DEPDC4: variants seen among roughly 807,000 people sequenced by gnomAD.
DEPDC4 encodes DEP domain containing 4.
DEPDC4 carries 52 observed loss-of-function variants against 52.0 expected under a neutral mutation model. The ratio of observed to expected loss-of-function variants is 1.00; its 90% CI spans 0.80 to 1.26. The LOEUF (loss-of-function observed/expected upper bound fraction) is 1.26, where lower values mean the gene tolerates loss of function less well. DEPDC4 is among the 50% of genes most tolerant of loss of function. The pLI, the probability that DEPDC4 is intolerant of heterozygous loss-of-function variation, is 0.00. For synonymous variants in DEPDC4, 201 were observed against 196.8 expected (o/e 1.02, Z -0.18); for missense variants, 530 against 546.9 (o/e 0.97, Z 0.31).
the DEPDC4 span, among the ~76,000 whole-genome samples, chr12:100,275,104 C>T: frequency 1.3e-5 from 2 of 152,104 alleles, no homozygotes; most frequent in Non-Finnish European, 2.9e-5. Flanking sequence ...ATAGATCTTG[C>T]ATAGCTTGTT....
chr12:100,262,446 A>G (rs1348322860), intron 2 of DEPDC4, 37 bp from the exon 3 acceptor site: 2 of 1,484,884 alleles, frequency 1.3e-6, no homozygotes, highest in Admixed American at 2.6e-5. Flanking sequence ...TTCATTATAC[A>G]CAGAACCAAA....
Position 100,263,727 on chromosome 12 carries a change from C to G in DEPDC4, c.324G>C (p.Thr108=), listed in dbSNP as rs377024324. The G allele has an allele frequency of 1.9e-6, 3 of 1,613,934 alleles. No individual in the cohort carries two copies. Among genetic ancestry groups the G allele is most frequent in the Admixed American group, 3.3e-5 (2 of 59,998 alleles). ...AAGAGATGTCATTGCTACTTAGGCA[C>G]GTGTTTTGCATAAGATGACTTAAGA... ...DVVLSHLMQN[T]CLSSNDISCL... is the part of the protein sequence containing the mutation. The change falls in exon 2 of 10, where the codon ACG becomes ACC. Residue 108 remains threonine (T), a synonymous_variant. Transcript: ENST00000550587.
Position 100,241,621 on chromosome 12 carries a change from C to T in DEPDC4, c.*271G>A. The stretch of plus-strand genomic sequence containing the variant: ...TAAGTATGGCAATTTGAGAAAACCA[C>T]CAGAGAATTGTTTATATTTACAAAT... On this transcript the variant is annotated 3_prime_UTR_variant, in exon 10 of 10. Coordinates refer to ENST00000550587, the MANE Select transcript of DEPDC4 (RefSeq NM_001364818.2). 1 of 1,048,734 alleles carries T rather than the reference C, an allele frequency of 9.5e-7. No individual in the cohort carries two copies. Among genetic ancestry groups the T allele is most frequent in the Non-Finnish European group, 1.2e-6 (1 of 840,480 alleles). 65.0% of individuals were successfully genotyped at this position (1,048,734 alleles called of 1,614,324 possible).
chr12:100,258,203 T>TA (rs1413820900), intron 3 of DEPDC4, among the ~76,000 whole-genome samples: 2 of 151,186 alleles, frequency 1.3e-5, no homozygotes, highest in Non-Finnish European at 3.0e-5. Context: ...GAGGAAAAAG[T>TA]AAAAAAAGAA....
the DEPDC4 span, among the ~76,000 whole-genome samples, chr12:100,281,740 A>G: frequency 1.3e-5 from 2 of 151,598 alleles, no homozygotes; most frequent in Admixed American, 1.3e-4. Context: ...AGGCTGAGGC[A>G]GGAGAATGGC....
chr12:100,267,174 T>G (rs182195992), upstream of DEPDC4: 99 of 1,341,818 alleles, frequency 7.4e-5, no homozygotes, highest in African/African-American at 1.3e-3. Context: ...CGGCAGGTCT[T>G]TTAGTCTTTT....
downstream of DEPDC4, among the ~76,000 whole-genome samples, chr12:100,238,467 T>A (rs1421556960): frequency 2.6e-5 from 4 of 151,752 alleles, no homozygotes; most frequent in Non-Finnish European, 4.4e-5. Context: ...GCCTTTCTTT[T>A]TTTTTAAGTA....
intron 4 of DEPDC4, among the ~76,000 whole-genome samples, chr12:100,255,497 G>T (rs1238090617): frequency 2.0e-5 from 3 of 152,128 alleles, no homozygotes; most frequent in Non-Finnish European, 2.9e-5. Flanking sequence ...CTCCCTGCTG[G>T]AATCCCAACA....
intron 7 of DEPDC4, among the ~76,000 whole-genome samples, chr12:100,250,323 C>G (rs1003987206): frequency 3.3e-5 from 5 of 152,206 alleles, no homozygotes; most frequent in African/African-American, 9.7e-5. Context: ...TCAAGTGATT[C>G]TCCTGCCTCT....
At chr12:100,259,379 T>C (rs186526549) in intron 3 of DEPDC4, among the ~76,000 whole-genome samples, 108 of 152,280 alleles carry the variant, frequency 7.1e-4, no homozygotes, top group Middle Eastern at 3.4e-3. Context: ...AGCAGGTGAT[T>C]TGGATAAGTG....
chr12:100,257,046 T>G (rs896182011), intron 3 of DEPDC4, among the ~76,000 whole-genome samples: 1 of 152,194 alleles, frequency 6.6e-6, no homozygotes, highest in African/African-American at 2.4e-5. Flanking sequence ...CTAACCATCA[T>G]CATAATACTT....
chr12:100,270,238 C>T (rs1358297390), upstream of DEPDC4, among the ~76,000 whole-genome samples: 2 of 152,114 alleles, frequency 1.3e-5, no homozygotes, highest in East Asian at 1.9e-4. Flanking sequence ...CCACCCGCCT[C>T]GGCTTCCCAA....
At chr12:100,257,111 T>C (rs2096236774) in intron 3 of DEPDC4, among the ~76,000 whole-genome samples, 1 of 152,140 alleles carries the variant, frequency 6.6e-6, no homozygotes, top group Non-Finnish European at 1.5e-5. Flanking sequence ...AGACAGAGTG[T>C]CACTCTGCCC....
intron 8 of DEPDC4, among the ~76,000 whole-genome samples, chr12:100,243,717 TTGCAC>T (rs760563048): frequency 2.0e-5 from 3 of 152,046 alleles, no homozygotes; most frequent in African/African-American, 4.8e-5. Flanking sequence ...TCCCTTGACC[TTGCAC>T]TGCTCTGGTT....
chr12:100,257,065 C>A (rs995571957), intron 3 of DEPDC4, among the ~76,000 whole-genome samples: 1 of 151,874 alleles, frequency 6.6e-6, no homozygotes, highest in African/African-American at 2.4e-5. Context: ...TTTGTTTTTC[C>A]TTTATTTTTA....
At chr12:100,249,030 G>T in intron 7 of DEPDC4, 52 bp from the exon 8 acceptor site, 1 of 774,234 alleles carries the variant, frequency 1.3e-6, no homozygotes, top group Non-Finnish European at 1.6e-6. Context: ...TTTCTAGCCA[G>T]CATTTCAACA....
At chr12:100,252,642 G>T in intron 5 of DEPDC4, 106 bp from the exon 6 acceptor site, 1 of 1,123,360 alleles carries the variant, frequency 8.9e-7, no homozygotes, top group African/African-American at 1.6e-5. Context: ...GTATTAGTTT[G>T]CAGGTTCTTT....
chr12:100,269,227 A>T (rs1181231974), upstream of DEPDC4, among the ~76,000 whole-genome samples: 2 of 151,996 alleles, frequency 1.3e-5, no homozygotes, highest in Non-Finnish European at 2.9e-5. Flanking sequence ...GCTTTCTGAC[A>T]TTCCCTTTCT....
At chr12:100,275,360 C>G in the DEPDC4 span, among the ~76,000 whole-genome samples, 4 of 152,048 alleles carry the variant, frequency 2.6e-5, no homozygotes, top group East Asian at 3.9e-4. Context: ...TGCTACTGCT[C>G]CTGGCTAATT....
Sources: gnomAD v4.1 joint callset for allele counts (sites outside exome capture counted in the v4.1 genomes callset) on GRCh38, gnomAD v4.1.1 for gene constraint, MANE v1.5 for transcripts, NCBI Gene and HGNC (gene_info 2026-07-23, HGNC 2026-07-21) for gene names.